RSRP1: variants seen among roughly 807,000 people sequenced by gnomAD.
RSRP1 encodes the protein arginine/serine-rich protein 1.
A neutral mutation model predicts 33.0 loss-of-function variants in RSRP1; 37 were observed. That is an observed-to-expected ratio of 1.12 (90% CI 0.86 to 1.48). The LOEUF is 1.48. Ranked by LOEUF, RSRP1 falls within the 40% of genes most tolerant of loss-of-function variation. The pLI, the probability that RSRP1 is intolerant of heterozygous loss-of-function variation, is 0.00. For missense variants in RSRP1, 402 were observed against 385.3 expected (o/e 1.04, Z -0.36); for synonymous variants, 167 against 158.7 (o/e 1.05, Z -0.40).
chr1:25,255,025 C>T (rs899781374), intron 1 of RSRP1, among the ~76,000 whole-genome samples: 1 of 152,120 alleles, frequency 6.6e-6, no homozygotes, highest in African/African-American at 2.4e-5. Context: ...TACGGTGTTG[C>T]TACTCAGTCA....
At chr1:25,273,892 G>A (rs1162643078) in intron 1 of RSRP1, among the ~76,000 whole-genome samples, 1 of 129,326 alleles carries the variant, frequency 7.7e-6, no homozygotes, top group East Asian at 2.0e-4. Context: ...TGGGGGCCAT[G>A]GCAGTGACAA....
In RSRP1 at chr1:25,322,493, C is replaced by T. The variant is rs548952521; in HGVS notation, c.-67+15485G>A. On this transcript the variant is annotated intron_variant, in intron 1 of 1. Coordinates refer to the RSRP1 transcript ENST00000561867. ...TTCGAGACCAGCCTGGCCAACGTGT[C>T]GAAACCCCATCTCTACTAAAAATAC... Among the ~76,000 whole-genome samples the T allele has an allele frequency of 4.2e-4, 56 of 132,206 alleles. 9 individuals are homozygous for T. Among genetic ancestry groups the T allele is most frequent in the Admixed American group, 2.9e-4 (4 of 13,672 alleles). The allele number at this position is 132,206 out of a possible 152,430, so 86.7% of individuals were successfully genotyped here. A position where few individuals can be genotyped will look rare whatever the true frequency, so the allele number is the denominator to read the frequency against.
rs757371893 is a variant in RSRP1, at chr1:25,245,276, T to C, written c.546A>G (p.Ala182=). 3.7e-6 allele frequency: 6 copies of C among 1,614,010 alleles called. No individual in the cohort carries two copies. The Admixed American group carries it at 1.0e-4, about 27-fold the overall frequency. ...EKDRMELLEI[A]KTNAAKALGT... is the part of the protein sequence containing the mutation. ...CTAGAGCTTTCGCTGCATTGGTTTT[T>C]GCTATTTCTAACAGCTCCATTCGAT... is the stretch of plus-strand genomic sequence containing the variant. Residue 182 remains alanine (A), a synonymous_variant, in exon 3 of 5, where the codon GCA becomes GCG. Transcript: ENST00000243189.
chr1:25,303,844 AT>A (rs1643590487), intron 1 of RSRP1, among the ~76,000 whole-genome samples: 1 of 126,618 alleles, frequency 7.9e-6, no homozygotes, highest in East Asian at 2.0e-4. Flanking sequence ...TTCACCCCAC[AT>A]TGTGGGGTGT....
chr1:25,279,836 GCCCGGGTAGCACATCCA>G lies in RSRP1; in HGVS notation c.-66-32824_-66-32808del, dbSNP rs1250987066. ...TTCCCCTCTGGGTCCAGGCATGGGC[GCCCGGGTAGCACATCCA>G]CTTCTTATCACCCCTGAACACCTTA... On this transcript the variant is annotated intron_variant, in intron 1 of 1. Coordinates refer to the RSRP1 transcript ENST00000561867. Among the ~76,000 whole-genome samples, 2 of 130,544 alleles carry G rather than the reference GCCCGGGTAGCACATCCA, an allele frequency of 1.5e-5. 1 individual carries two copies. The highest frequency in any genetic ancestry group is 3.6e-5 in the Non-Finnish European group (2 of 55,712). The allele number at this position is 130,544 out of a possible 152,430, so 85.6% of individuals were successfully genotyped here. A position where few individuals can be genotyped will look rare whatever the true frequency, so the allele number is the denominator to read the frequency against.
At chr1:25,282,614 C>G (rs1390897044) in intron 1 of RSRP1, among the ~76,000 whole-genome samples, 1 of 132,528 alleles carries the variant, frequency 7.5e-6, no homozygotes, top group East Asian at 1.9e-4. Flanking sequence ...CTATGCTTCC[C>G]CTTCCACCTT....
chr1:25,321,603 G>C lies in RSRP1; in HGVS notation c.-67+16375C>G, dbSNP rs11485914. On this transcript the variant is annotated intron_variant, in intron 1 of 1. Coordinates refer to the RSRP1 transcript ENST00000561867. Reference sequence around the variant, plus strand: ...GATAATCGCTTGAACCTGGGAGGCAGAGGCTGCAGTGAGCCGAGATCACGC... The same window carrying C: ...GATAATCGCTTGAACCTGGGAGGCACAGGCTGCAGTGAGCCGAGATCACGC... Among the ~76,000 whole-genome samples the C allele has an allele frequency of 1.6e-5, 2 of 126,384 alleles. 1 individual carries two copies. The highest frequency in any genetic ancestry group is 5.3e-5 in the African/African-American group (2 of 37,552). The allele number at this position is 126,384 out of a possible 152,430, so 82.9% of individuals were successfully genotyped here.
At chr1:25,318,864 G>C (rs538175586) in intron 1 of RSRP1, among the ~76,000 whole-genome samples, 4 of 132,424 alleles carry the variant, frequency 3.0e-5, no homozygotes, top group African/African-American at 1.0e-4. Flanking sequence ...GGTACTTTTT[G>C]GAGTTACCTG....
intron 3 of RSRP1, chr1:25,244,107 G>T: frequency 1.6e-6 from 2 of 1,259,614 alleles, no homozygotes; most frequent in Non-Finnish European, 2.0e-6. Flanking sequence ...CTGTCACCCA[G>T]GCTGGAGTGA....
rs1639369538 is a variant in RSRP1, at chr1:25,246,176, C to T, written c.520+268G>A. ...CTTAGAACCTTTAACTTAATCATAACATTTAAAAGGCTCCACCCACTAAGA... is the reference window on the plus strand; with the variant it reads ...CTTAGAACCTTTAACTTAATCATAATATTTAAAAGGCTCCACCCACTAAGA... On this transcript the variant is annotated intron_variant, in intron 2 of 4. Coordinates refer to ENST00000243189, the MANE Select transcript of RSRP1 (RefSeq NM_020317.5). Among the ~76,000 whole-genome samples, 3 of 152,306 alleles carry T rather than the reference C, an allele frequency of 2.0e-5. 1 individual carries two copies. The South Asian group carries it at 6.2e-4, about 32-fold the overall frequency.
At chr1:25,273,271 G>A (rs1640647120) in intron 1 of RSRP1, among the ~76,000 whole-genome samples, 1 of 125,366 alleles carries the variant, frequency 8.0e-6, no homozygotes, top group Non-Finnish European at 1.9e-5. Context: ...AAGAAGCTGG[G>A]ACCACAGGAG....
chr1:25,320,118 G>C (rs1245282935), intron 1 of RSRP1, among the ~76,000 whole-genome samples: 1 of 130,794 alleles, frequency 7.6e-6, no homozygotes, highest in African/African-American at 2.6e-5. Context: ...TGCTGGTCTC[G>C]AACTCCTGAC....
intron 1 of RSRP1, among the ~76,000 whole-genome samples, chr1:25,308,406 GC>G (rs1643962006): frequency 8.1e-6 from 1 of 123,184 alleles, no homozygotes; most frequent in Admixed American, 8.0e-5. Context: ...GTTTGAACAA[GC>G]CCCACAAGTG....
rs751879166 is a variant in RSRP1, at chr1:25,246,574, C to T, written c.390G>A (p.Ala130=). ...RSRGRSYCGR[A]YAIARGQRYY... Reference sequence around the variant, plus strand: ...AGCGCTGTCCCCGCGCGATCGCGTACGCCCTTCCGCAGTACGACCTTCCCC... The same window carrying T: ...AGCGCTGTCCCCGCGCGATCGCGTATGCCCTTCCGCAGTACGACCTTCCCC... Residue 130 remains alanine (A), a synonymous_variant, in exon 2 of 5, where the codon GCG becomes GCA. Transcript: ENST00000243189. 1 of 1,614,228 alleles carries T rather than the reference C, an allele frequency of 6.2e-7. No individual in the cohort carries two copies. The highest frequency in any genetic ancestry group is 1.3e-5 in the African/African-American group (1 of 75,076).
rs189371258 is a variant in RSRP1 at position 25,320,512 on chromosome 1, C to A, written c.-67+17466G>T. ...CGTCATGCTGGTTGTACCCTGCATG[C>A]CAATATCAGCTAAAAGCAGCACCAC... On this transcript the variant is annotated intron_variant, in intron 1 of 1. Coordinates refer to the RSRP1 transcript ENST00000561867. Among the ~76,000 whole-genome samples, 612 of 132,138 alleles carry A rather than the reference C, an allele frequency of 4.6e-3. 84 individuals are homozygous for A. Among genetic ancestry groups the A allele is most frequent in the African/African-American group, 0.014 (545 of 38,970 alleles). 86.7% of individuals were successfully genotyped at this position (132,138 alleles called of 152,430 possible). A position where few individuals can be genotyped will look rare whatever the true frequency, so the allele number is the denominator to read the frequency against.
chr1:25,245,044 T>C, intron 3 of RSRP1, 106 bp downstream of exon 3: 1 of 1,603,338 alleles, frequency 6.2e-7, no homozygotes, highest in East Asian at 2.2e-5. Context: ...GCACATTATA[T>C]ACATCTCTAG....
rs376963872 is a variant in RSRP1, at chr1:25,286,508, C to T, written c.-66-39479G>A. ...TGTCTCAAAAAACAGTTTTAGGGGC[C>T]GGGCGCAGTGGTTCATGCCTGTAAT... On this transcript the variant is annotated intron_variant, in intron 1 of 1. Coordinates refer to the RSRP1 transcript ENST00000561867. Among the ~76,000 whole-genome samples the T allele has an allele frequency of 1.0e-4, 14 of 134,706 alleles. No individual in the cohort carries two copies. The South Asian group carries it at 2.2e-3, about 21-fold the overall frequency. The allele number at this position is 134,706 out of a possible 152,430, so 88.4% of individuals were successfully genotyped here. A position where few individuals can be genotyped will look rare whatever the true frequency, so the allele number is the denominator to read the frequency against.
chr1:25,301,080 G>A, intron 1 of RSRP1: 1 of 1,376,570 alleles, frequency 7.3e-7, no homozygotes, highest in Non-Finnish European at 1.0e-6. Context: ...TACCCAGTTT[G>A]TCTGCCATGC....
At position 25,278,615 on chromosome 1, in the gene RSRP1, T is replaced by G. The variant is rs1641219254; in HGVS notation, c.-66-31586A>C. ...GGGGGCCATTACTGTAACAATCGCC[T>G]ACCAGGCAGAGCTTCCCTAAGGCTT... On this transcript the variant is annotated intron_variant, in intron 1 of 1. Transcript: ENST00000561867. Among the ~76,000 whole-genome samples, 2 of 131,210 alleles carry G rather than the reference T, an allele frequency of 1.5e-5. 1 individual carries two copies. Among genetic ancestry groups the G allele is most frequent in the African/African-American group, 5.2e-5 (2 of 38,548 alleles). 86.1% of individuals were successfully genotyped at this position (131,210 alleles called of 152,430 possible). A position where few individuals can be genotyped will look rare whatever the true frequency, so the allele number is the denominator to read the frequency against.
Sources: allele counts gnomAD v4.1 joint callset (sites outside exome capture counted in the v4.1 genomes callset), GRCh38; gene constraint gnomAD v4.1.1; transcripts MANE v1.5; gene names NCBI Gene and HGNC (gene_info 2026-07-23, HGNC 2026-07-21).